CFAP99: variants seen among roughly 807,000 people sequenced by gnomAD.
The protein encoded by CFAP99 is cilia and flagella associated protein 99.
A neutral mutation model predicts 82.7 loss-of-function variants in CFAP99; 84 were observed. The observed-to-expected ratio is 1.02, with a 90% CI of 0.85 to 1.22. CFAP99 has a LOEUF of 1.22. CFAP99 is among the 50% of genes most tolerant of loss of function. The pLI is 0.00. For synonymous variants in CFAP99, 456 were observed against 429.5 expected (o/e 1.06, Z -0.76); for missense variants, 1,059 against 983.5 (o/e 1.08, Z -1.03).
rs1441714482 is a variant in CFAP99 at position 2,436,792 on chromosome 4, C to T, written c.112-82C>T. On this transcript the variant is annotated intron_variant, in intron 2 of 14. Transcript: ENST00000635017. ...CAGCCCCGGGGCCGCTCCACCCCTG[C>T]CTTTGCCCAAGTGTCCCACCCCCAC... The T allele has an allele frequency of 4.2e-6, 5 of 1,180,386 alleles. No homozygotes were observed. The South Asian group carries it at 5.4e-5, about 13-fold the overall frequency. 73.1% of individuals were successfully genotyped at this position (1,180,386 alleles called of 1,614,324 possible). A position where few individuals can be genotyped will look rare whatever the true frequency, so the allele number is the denominator to read the frequency against.
rs998495300 is a variant in CFAP99 at position 2,448,375 on chromosome 4, C to T, written c.643-1295C>T. On this transcript the variant is annotated intron_variant, in intron 6 of 14. Coordinates refer to ENST00000635017, the Ensembl canonical transcript of CFAP99. This position sits in a 1 kb window ranked among gnomAD's most constrained non-coding sequence, Gnocchi z 5.2. ...GTACAATCTGTGAGATGTTTGTGGACATGTACCTTCTCTGCATCCACAGGG... is the reference window on the plus strand; with the variant it reads ...GTACAATCTGTGAGATGTTTGTGGATATGTACCTTCTCTGCATCCACAGGG... Among the ~76,000 whole-genome samples the T allele has an allele frequency of 7.9e-5, 12 of 152,198 alleles. No individual in the cohort carries two copies. The highest frequency in any genetic ancestry group is 2.9e-4 in the African/African-American group (12 of 41,440).
chr4:2,438,301 C>T (rs930315354), intron 4 of CFAP99, 137 bp downstream of exon 4: 15 of 611,496 alleles, frequency 2.5e-5, no homozygotes, highest in African/African-American at 1.6e-4. Context: ...CTCACTCTGT[C>T]GCCCAGGCTG....
chr4:2,437,412 G>C (rs1482945835), intron 3 of CFAP99, among the ~76,000 whole-genome samples: 3 of 152,212 alleles, frequency 2.0e-5, no homozygotes, highest in Non-Finnish European at 4.4e-5. Flanking sequence ...CGCTGCCTGG[G>C]CTTCCTGCAG....
chr4:2,456,365 G>A (rs1387622315), intron 11 of CFAP99, among the ~76,000 whole-genome samples: 2 of 141,346 alleles, frequency 1.4e-5, no homozygotes, highest in Admixed American at 1.4e-4. Flanking sequence ...CTCTAGCAAT[G>A]GGGCTGGAAA....
chr4:2,431,470 A>T (rs1042961918), intron 2 of CFAP99, among the ~76,000 whole-genome samples: 1 of 152,124 alleles, frequency 6.6e-6, no homozygotes, highest in East Asian at 1.9e-4. Context: ...TAGAGGTGAG[A>T]TATGTTACAA....
At chr4:2,453,836 T>G (rs1050638833) in intron 11 of CFAP99, among the ~76,000 whole-genome samples, 1 of 150,854 alleles carries the variant, frequency 6.6e-6, no homozygotes, top group African/African-American at 2.4e-5. Flanking sequence ...TTTTTTAAGA[T>G]GGAAGCTTGC....
chr4:2,453,617 T>C (rs184178152), intron 11 of CFAP99, among the ~76,000 whole-genome samples: 1 of 151,558 alleles, frequency 6.6e-6, no homozygotes, highest in Admixed American at 6.6e-5. Context: ...TCTCATTTAT[T>C]TATCAGTGAA....
At chr4:2,436,150 T>C (rs1056226900) in intron 2 of CFAP99, among the ~76,000 whole-genome samples, 4 of 151,882 alleles carry the variant, frequency 2.6e-5, no homozygotes, top group African/African-American at 4.8e-5. Context: ...TCACTGCTAA[T>C]TTAAAAATCC....
At chr4:2,460,232 G>T in exon 14 of CFAP99, 1 of 1,536,092 alleles carries the variant, frequency 6.5e-7, no homozygotes, top group Non-Finnish European at 8.7e-7. Flanking sequence ...GGGGAGATCC[G>T]CAGCCTTGAG....
chr4:2,444,142 C>G (rs1734110352), intron 5 of CFAP99, among the ~76,000 whole-genome samples: 1 of 152,144 alleles, frequency 6.6e-6, no homozygotes, highest in African/African-American at 2.4e-5. Flanking sequence ...CCACTCCTGG[C>G]AATCAAGATA....
chr4:2,460,359 G>T lies in CFAP99; in HGVS notation c.1661+117G>T, dbSNP rs1419551231. On this transcript the variant is annotated intron_variant, in intron 14 of 14. Transcript: ENST00000635017. The stretch of plus-strand genomic sequence containing the variant: ...CAACCACCACCCTCCTGCCCAGGAA[G>T]TTCCCTTGCCGTAACTCCCCTGACC... 4 of 924,830 alleles carry T rather than the reference G, an allele frequency of 4.3e-6. No individual in the cohort carries two copies. The African/African-American group carries it at 6.6e-5, about 15-fold the overall frequency. The allele number at this position is 924,830 out of a possible 1,614,324, so 57.3% of individuals were successfully genotyped here. A position where few individuals can be genotyped will look rare whatever the true frequency, so the allele number is the denominator to read the frequency against.
chr4:2,462,293 C>G lies in CFAP99; in HGVS notation c.1662-150C>G. 1.3e-6 allele frequency: 1 copy of G among 744,092 alleles called. No homozygotes were observed. The highest frequency in any genetic ancestry group is 2.0e-6 in the Non-Finnish European group (1 of 510,608). The allele number at this position is 744,092 out of a possible 1,614,324, so 46.1% of individuals were successfully genotyped here. ...ACTGTCTAGGAGCGCGCCGCGGCCC[C>G]TGGGCCTCGCTGTCTGTCCTAAATC... On this transcript the variant is annotated intron_variant, in intron 14 of 14. Transcript: ENST00000635017. The surrounding 1 kb of genome is among the most constrained non-coding windows in gnomAD (Gnocchi z 4.1).
chr4:2,460,958 C>T (rs1330630444), intron 14 of CFAP99, among the ~76,000 whole-genome samples: 1 of 152,144 alleles, frequency 6.6e-6, no homozygotes, highest in Non-Finnish European at 1.5e-5. Flanking sequence ...AAGATGGTCT[C>T]GAACTCCTGA....
At chr4:2,441,391 A>C (rs1382394286) in intron 4 of CFAP99, among the ~76,000 whole-genome samples, 1 of 147,096 alleles carries the variant, frequency 6.8e-6, no homozygotes, top group Non-Finnish European at 1.5e-5. Flanking sequence ...AAAAAAAAAA[A>C]TTGTTGAACA....
chr4:2,459,553 C>T (rs544566313), intron 13 of CFAP99, among the ~76,000 whole-genome samples: 1 of 152,320 alleles, frequency 6.6e-6, no homozygotes, highest in African/African-American at 2.4e-5. Flanking sequence ...GAGGGAGGGC[C>T]AGGGTGGAAA....
chr4:2,452,286 C>T (rs1210879411), exon 11 of CFAP99: 1 of 1,535,764 alleles, frequency 6.5e-7, no homozygotes. Context: ...AGGAGGCCGT[C>T]CTAGCCCGGC....
chr4:2,462,814 A>T lies in CFAP99; in HGVS notation c.2033A>T (p.Gln678Leu). 1 of 1,331,818 alleles carries T rather than the reference A, an allele frequency of 7.5e-7. No homozygotes were observed. Among genetic ancestry groups the T allele is most frequent in the Non-Finnish European group, 9.6e-7 (1 of 1,043,324 alleles). 82.5% of individuals were successfully genotyped at this position (1,331,818 alleles called of 1,614,324 possible). A position where few individuals can be genotyped will look rare whatever the true frequency, so the allele number is the denominator to read the frequency against. The change falls in exon 15 of 15, where the codon CAG becomes CTG. Residue 678 changes from glutamine (Q) to leucine (L), a missense_variant. By Grantham distance (113) the Gln-to-Leu change is moderately radical. Transcript: ENST00000635017. This position sits in a 1 kb window ranked among gnomAD's most constrained non-coding sequence, Gnocchi z 4.1. ...GACGCGTTCCCCGGCCTGCAGGCGC[A>T]GCTAGAGGCGCAGCACTGGCTGGAG...
chr4:2,458,255 G>A (rs572439422), intron 11 of CFAP99, among the ~76,000 whole-genome samples: 3 of 152,140 alleles, frequency 2.0e-5, no homozygotes, highest in Non-Finnish European at 4.4e-5. Context: ...TCTACACAAC[G>A]TATTACCAAG....
chr4:2,445,270 G>A (rs1734138055), exon 6 of CFAP99: 8 of 1,401,364 alleles, frequency 5.7e-6, no homozygotes, highest in Non-Finnish European at 7.4e-6. Flanking sequence ...CACCATTCCA[G>A]CGCCCGAACC....
Sources: gnomAD v4.1 joint callset for allele counts (sites outside exome capture counted in the v4.1 genomes callset) on GRCh38, gnomAD v4.1.1 for gene constraint, Gnocchi (gnomAD v3.1) non-coding constraint, MANE v1.5 for transcripts, NCBI Gene and HGNC (gene_info 2026-07-23, HGNC 2026-07-21) for gene names.